MECOM: variants seen among roughly 807,000 people sequenced by gnomAD.
MECOM encodes histone-lysine N-methyltransferase MECOM.
MECOM carries 13 observed loss-of-function variants against 116.3 expected under a neutral mutation model. That is an observed-to-expected ratio of 0.11 (90% CI 0.07 to 0.18). The LOEUF (loss-of-function observed/expected upper bound fraction) is 0.18, where lower values mean the gene tolerates loss of function less well. Among genes scored for constraint, MECOM ranks in the 10% least tolerant of loss-of-function variants. The probability of loss-of-function intolerance (pLI) is 1.00; values close to 1 mark genes in which losing one functional copy is unlikely to be tolerated. For synonymous variants in MECOM, 528 were observed against 535.2 expected, an observed-to-expected ratio of 0.99 and a Z score of 0.19; for missense variants, 1,299 against 1,509.0, an observed-to-expected ratio of 0.86 and a Z score of 2.31.
intron 1 of MECOM, among the ~76,000 whole-genome samples, chr3:169,508,167 C>G (rs540042812): frequency 1.1e-4 from 17 of 151,924 alleles, no homozygotes; most frequent in Middle Eastern, 3.4e-3. Flanking sequence ...AAGAAGGGTC[C>G]CTCCACATTC....
chr3:169,322,558 T>C (rs1721035493), intron 2 of MECOM, among the ~76,000 whole-genome samples: 1 of 152,080 alleles, frequency 6.6e-6, no homozygotes, highest in African/African-American at 2.4e-5. Context: ...AACAACTTAA[T>C]AAAGTTTCCT....
chr3:169,650,714 A>C (rs931317238), intron 1 of MECOM, among the ~76,000 whole-genome samples: 2 of 151,880 alleles, frequency 1.3e-5, no homozygotes, highest in Non-Finnish European at 2.9e-5. Context: ...CCCTGCTGTG[A>C]CCGTGTCTCA....
At chr3:169,313,899 A>C (rs1399346304) in intron 2 of MECOM, among the ~76,000 whole-genome samples, 1 of 152,226 alleles carries the variant, frequency 6.6e-6, no homozygotes, top group African/African-American at 2.4e-5. Context: ...TAGTTAAGAC[A>C]ACTGAACCGG....
intron 2 of MECOM, among the ~76,000 whole-genome samples, chr3:169,341,355 C>G (rs1240983790): frequency 6.7e-6 from 1 of 148,342 alleles, no homozygotes; most frequent in Admixed American, 6.8e-5. Flanking sequence ...AACAATTGAA[C>G]TCATGGACTT....
chr3:169,107,782 A>T, intron 10 of MECOM, 144 bp downstream of exon 10: 1 of 594,672 alleles, frequency 1.7e-6, no homozygotes. Context: ...CAGCTTGAGA[A>T]AGCAGGGAAA....
chr3:169,269,967 GGTGT>G (rs72249209), intron 2 of MECOM, among the ~76,000 whole-genome samples: 1,976 of 149,182 alleles, frequency 0.013, 37 homozygotes, highest in African/African-American at 0.045. Flanking sequence ...CGTATATAAA[GGTGT>G]GTGTGTGTGT....
chr3:169,444,520 GT>G (rs1744279179), intron 1 of MECOM, among the ~76,000 whole-genome samples: 1 of 152,088 alleles, frequency 6.6e-6, no homozygotes, highest in Non-Finnish European at 1.5e-5. Context: ...CTGCCACCAT[GT>G]AAGAAGTGCC....
chr3:169,144,335 A>G (rs561719392), intron 2 of MECOM, among the ~76,000 whole-genome samples: 2 of 152,282 alleles, frequency 1.3e-5, no homozygotes, highest in Admixed American at 1.3e-4. Context: ...GGAGATAATA[A>G]GATTTGTCTT....
chr3:169,434,625 G>A (rs1000763436), intron 1 of MECOM, among the ~76,000 whole-genome samples: 5 of 152,100 alleles, frequency 3.3e-5, no homozygotes, highest in Non-Finnish European at 7.4e-5. Context: ...TAAAGAGCAG[G>A]CACACCTCAC....
rs1452643090 is a variant in MECOM at position 169,180,812 on chromosome 3, T to TATATAC, written c.376-36981_376-36980insGTATAT. Reference sequence around the variant, plus strand: ...TGGAGATGATATATATATATATATATATCAGGCTGTGTGTATCAAAAGTTC... The same window carrying TATATAC: ...TGGAGATGATATATATATATATATATATATACATCAGGCTGTGTGTATCAAAAGTTC... On this transcript the variant is annotated intron_variant, in intron 2 of 16. Transcript: ENST00000651503. 5.6e-5 allele frequency among the ~76,000 whole-genome samples: 8 copies of TATATAC among 142,318 alleles called. 1 individual carries two copies. The highest frequency in any genetic ancestry group is 2.1e-4 in the African/African-American group (8 of 37,766). The allele number at this position is 142,318 out of a possible 152,430, so 93.4% of individuals were successfully genotyped here. A position where few individuals can be genotyped will look rare whatever the true frequency, so the allele number is the denominator to read the frequency against.
chr3:169,450,533 C>G (rs768037439), intron 1 of MECOM, among the ~76,000 whole-genome samples: 2 of 151,786 alleles, frequency 1.3e-5, no homozygotes, highest in Non-Finnish European at 2.9e-5. Flanking sequence ...TAAGAAAAAC[C>G]TTTTCCACTC....
chr3:169,316,678 A>G (rs903391611), intron 2 of MECOM, among the ~76,000 whole-genome samples: 1 of 152,046 alleles, frequency 6.6e-6, no homozygotes, highest in African/African-American at 2.4e-5. Context: ...CAGCCTCCCA[A>G]GTAGTTGGGA....
chr3:169,254,624 T>G (rs1189033266), intron 2 of MECOM, among the ~76,000 whole-genome samples: 2 of 152,112 alleles, frequency 1.3e-5, no homozygotes, highest in Non-Finnish European at 2.9e-5. Flanking sequence ...TAAACTTTCA[T>G]GTTAAATATT....
At chr3:169,655,040 C>A (rs898975061) in intron 1 of MECOM, among the ~76,000 whole-genome samples, 1 of 152,092 alleles carries the variant, frequency 6.6e-6, no homozygotes, top group African/African-American at 2.4e-5. Flanking sequence ...AAAATTGAAT[C>A]AACATTTCAT....
Position 169,531,016 on chromosome 3 carries a change from T to C in MECOM, c.37+132320A>G, listed in dbSNP as rs114459925. Among the ~76,000 whole-genome samples the C allele has an allele frequency of 9.1e-4, 138 of 152,298 alleles. 1 individual carries two copies. The highest frequency in any genetic ancestry group is 3.3e-3 in the African/African-American group (137 of 41,558). On this transcript the variant is annotated intron_variant, in intron 1 of 16. Coordinates refer to ENST00000651503, the MANE Select transcript of MECOM (RefSeq NM_004991.4). ...TTACCACACCTAAATGTCACCTAGCTGTCAGCACTTCAGATAGACAGACCC... is the reference window on the plus strand; with the variant it reads ...TTACCACACCTAAATGTCACCTAGCCGTCAGCACTTCAGATAGACAGACCC...
intron 1 of MECOM, among the ~76,000 whole-genome samples, chr3:169,382,787 A>G (rs1021346162): frequency 6.7e-6 from 1 of 148,584 alleles, no homozygotes; most frequent in Non-Finnish European, 1.5e-5. Context: ...TGAGAAGGCT[A>G]CAATGAGCTA....
rs73040824 is a variant in MECOM at position 169,469,938 on chromosome 3, G to A, written c.38-88414C>T. On this transcript the variant is annotated intron_variant, in intron 1 of 16. Transcript: ENST00000651503. ...TCATTAACCCCCAACCAGAGAACGT[G>A]GTCATCACACATTAACTTTCCAGCA... Among the ~76,000 whole-genome samples, 788 of 152,112 alleles carry A rather than the reference G, an allele frequency of 5.2e-3. 8 individuals carry two copies. The highest frequency in any genetic ancestry group is 0.017 in the African/African-American group (724 of 41,478).
At chr3:169,649,829 T>A (rs1464013213) in intron 1 of MECOM, among the ~76,000 whole-genome samples, 1 of 152,220 alleles carries the variant, frequency 6.6e-6, no homozygotes, top group African/African-American at 2.4e-5. Flanking sequence ...TTTATATGAA[T>A]AATTTTAATT....
chr3:169,627,942 C>T (rs960678561), intron 1 of MECOM, among the ~76,000 whole-genome samples: 6 of 152,180 alleles, frequency 3.9e-5, no homozygotes, highest in African/African-American at 9.7e-5. Context: ...TCACAGGTGA[C>T]GTGGCGGGCC....
Sources: gnomAD v4.1 joint callset for allele counts (sites outside exome capture counted in the v4.1 genomes callset) on GRCh38, gnomAD v4.1.1 for gene constraint, MANE v1.5 for transcripts, NCBI Gene and HGNC (gene_info 2026-07-23, HGNC 2026-07-21) for gene names.